ANO6: variants seen among roughly 807,000 people sequenced by gnomAD.
ANO6 encodes anoctamin 6.
Under a neutral mutation model 117.5 loss-of-function variants are expected in ANO6, and 106 were observed. The ratio of observed to expected loss-of-function variants is 0.90; its 90% confidence interval spans 0.77 to 1.06. The LOEUF (loss-of-function observed/expected upper bound fraction) is 1.06. Among genes scored for constraint, ANO6 ranks in the 50% least tolerant of loss-of-function variants. ANO6 has a pLI of 0.00. For synonymous variants in ANO6, 367 were observed against 385.1 expected, an observed-to-expected ratio of 0.95 and a Z score of 0.55; for missense variants, 955 against 1,121.1, an observed-to-expected ratio of 0.85 and a Z score of 2.12.
At chr12:45,324,499 C>T (rs1030810777) in intron 2 of ANO6, among the ~76,000 whole-genome samples, 2 of 152,134 alleles carry the variant, frequency 1.3e-5, no homozygotes, top group African/African-American at 4.8e-5. Context: ...GAGCAGTCGT[C>T]TGAGATTATG....
At chr12:45,346,252 A>G (rs1238735576) in intron 3 of ANO6, among the ~76,000 whole-genome samples, 2 of 152,152 alleles carry the variant, frequency 1.3e-5, no homozygotes, top group Non-Finnish European at 1.5e-5. Flanking sequence ...AGCAGTATAA[A>G]CTGTTTTGTC....
At chr12:45,375,193 G>C (rs985962204) in intron 9 of ANO6, among the ~76,000 whole-genome samples, 2 of 152,042 alleles carry the variant, frequency 1.3e-5, no homozygotes, top group Non-Finnish European at 1.5e-5. Context: ...CACTGCTCAA[G>C]GAAATAAAAG....
chr12:45,373,853 A>G (rs1269960167), intron 9 of ANO6, among the ~76,000 whole-genome samples: 1 of 152,172 alleles, frequency 6.6e-6, no homozygotes, highest in Non-Finnish European at 1.5e-5. Context: ...GCAAGAAATA[A>G]CTAAAATCAG....
intron 1 of ANO6, among the ~76,000 whole-genome samples, chr12:45,234,335 A>G (rs1947615017): frequency 6.6e-6 from 1 of 151,648 alleles, no homozygotes; most frequent in South Asian, 2.1e-4. Context: ...CTGTTTGCAG[A>G]CTCTCCCTAT....
Position 45,421,264 on chromosome 12 carries a change from C to T in ANO6, c.2411C>T (p.Thr804Ile), listed in dbSNP as rs756730775. The change falls in exon 18 of 20, where the codon ACC becomes ATC. Residue 804 changes from threonine (T) to isoleucine (I), a missense_variant. Thr to Ile is a moderately conservative substitution (Grantham distance 89, BLOSUM62 -1). Transcript: ENST00000320560. The part of the protein sequence containing the change: ...GNPYSDLGNH[T>I]TCRYRDFRYP... ...CCGTACTCTGACCTGGGTAACCATA[C>T]CACATGCAGGCAAGTTCTGCTTTAC... 3 of 1,613,898 alleles carry T rather than the reference C, an allele frequency of 1.9e-6. No homozygotes were observed. Among genetic ancestry groups the T allele is most frequent in the African/African-American group, 1.3e-5 (1 of 74,926 alleles).
chr12:45,381,491 C>A (rs1314056519), intron 10 of ANO6, among the ~76,000 whole-genome samples: 2 of 152,218 alleles, frequency 1.3e-5, no homozygotes, highest in East Asian at 3.8e-4. Context: ...TGCCCTCAAT[C>A]TGGGACACAC....
intron 2 of ANO6, among the ~76,000 whole-genome samples, chr12:45,323,165 T>C (rs1940338243): frequency 6.6e-6 from 1 of 152,184 alleles, no homozygotes; most frequent in Admixed American, 6.5e-5. Flanking sequence ...ATTTAATCGC[T>C]CTTAACATAT....
At chr12:45,245,380 A>C (rs2137174582) in intron 1 of ANO6, among the ~76,000 whole-genome samples, 1 of 152,016 alleles carries the variant, frequency 6.6e-6, no homozygotes, top group South Asian at 2.1e-4. Flanking sequence ...TGGAGGCATA[A>C]GACATTTTCT....
chr12:45,365,878 C>T (rs1169914585), intron 8 of ANO6, among the ~76,000 whole-genome samples: 1 of 152,164 alleles, frequency 6.6e-6, no homozygotes, highest in African/African-American at 2.4e-5. Flanking sequence ...TGGTTAATTT[C>T]CAGAGTTCTG....
At chr12:45,398,386 G>A (rs1942687572) in intron 12 of ANO6, among the ~76,000 whole-genome samples, 1 of 152,216 alleles carries the variant, frequency 6.6e-6, no homozygotes, top group Non-Finnish European at 1.5e-5. Context: ...CTGTGAGGAT[G>A]AAGTACAACA....
At chr12:45,325,047 T>G (rs10785568) in intron 2 of ANO6, among the ~76,000 whole-genome samples, 6 of 151,816 alleles carry the variant, frequency 4.0e-5, no homozygotes, top group African/African-American at 1.5e-4. Flanking sequence ...AAGTATATAA[T>G]TAAGAAGAAT....
At chr12:45,304,357 G>A (rs1939595464) in intron 2 of ANO6, among the ~76,000 whole-genome samples, 1 of 152,156 alleles carries the variant, frequency 6.6e-6, no homozygotes, top group Non-Finnish European at 1.5e-5. Context: ...ACAAAATCAG[G>A]TAAGTTGATT....
chr12:45,283,485 A>G (rs1367914124), intron 1 of ANO6, among the ~76,000 whole-genome samples: 1 of 152,352 alleles, frequency 6.6e-6, no homozygotes, highest in African/African-American at 2.4e-5. Flanking sequence ...CTGTATTTCC[A>G]GAGCTTGCCC....
At chr12:45,317,113 G>GTGTGTGTGTGTATATATATATATATA in intron 2 of ANO6, among the ~76,000 whole-genome samples, 39 of 66,438 alleles carry the variant, frequency 5.9e-4, no homozygotes, top group Non-Finnish European at 1.2e-3. Flanking sequence ...CTTTTTATAT[G>GTGTGTGTGTGTATATATATATATATA]TATATATATA....
intron 7 of ANO6, 65 bp downstream of exon 7, chr12:45,350,839 T>C (rs1941262075): frequency 7.6e-7 from 1 of 1,314,216 alleles, no homozygotes; most frequent in Non-Finnish European, 1.1e-6. Flanking sequence ...AGCATCTGAA[T>C]GTGACAGTAC....
At chr12:45,217,079 A>C (rs1947326799) in intron 1 of ANO6, among the ~76,000 whole-genome samples, 1 of 152,202 alleles carries the variant, frequency 6.6e-6, no homozygotes, top group Non-Finnish European at 1.5e-5. Context: ...AGTTAGAGTT[A>C]AAAATGCATG....
At chr12:45,375,524 A>G (rs59135681) in intron 9 of ANO6, among the ~76,000 whole-genome samples, 21,511 of 151,404 alleles carry the variant, frequency 0.14, 1,567 homozygotes, top group East Asian at 0.41. Context: ...TCAATGGAAC[A>G]GAACAGAGCC....
chr12:45,249,705 T>C (rs1194429547), intron 1 of ANO6, among the ~76,000 whole-genome samples: 2 of 152,204 alleles, frequency 1.3e-5, no homozygotes, highest in Non-Finnish European at 2.9e-5. Flanking sequence ...GAGAAAAGCT[T>C]CTTCTGGATG....
intron 9 of ANO6, among the ~76,000 whole-genome samples, chr12:45,376,183 A>G (rs1942010220): frequency 6.7e-6 from 1 of 148,836 alleles, no homozygotes; most frequent in South Asian, 2.1e-4. Context: ...AATGGCAATC[A>G]TTAAAAAGTC....
Sources: allele counts gnomAD v4.1 joint callset (sites outside exome capture counted in the v4.1 genomes callset), GRCh38; gene constraint gnomAD v4.1.1; transcripts MANE v1.5; gene names NCBI Gene and HGNC (gene_info 2026-07-23, HGNC 2026-07-21).